Variants in MYO1D observed in about 807,000 individuals in gnomAD.
MYO1D encodes unconventional myosin-Id.
A neutral mutation model predicts 122.0 loss-of-function variants in MYO1D; 83 were observed. The observed-to-expected ratio is 0.68, with a 90% CI of 0.57 to 0.82. The LOEUF is 0.82. MYO1D is among the 40% of genes least tolerant of loss of function. MYO1D has a pLI of 0.00. For missense variants in MYO1D, 1,157 were observed against 1,269.5 expected, an observed-to-expected ratio of 0.91 and a Z score of 1.35; for synonymous variants, 464 against 446.9, an observed-to-expected ratio of 1.04 and a Z score of -0.48.
At chr17:32,716,204 A>G (rs1488016602) in intron 15 of MYO1D, among the ~76,000 whole-genome samples, 2 of 152,146 alleles carry the variant, frequency 1.3e-5, no homozygotes, top group East Asian at 1.9e-4. Context: ...AATGCATTTT[A>G]TCTAGTCCTT....
At chr17:32,682,352 G>T (rs2088931620) in intron 16 of MYO1D, among the ~76,000 whole-genome samples, 1 of 149,910 alleles carries the variant, frequency 6.7e-6, no homozygotes, top group African/African-American at 2.5e-5. Context: ...AGTCTCGATG[G>T]TCTTTACATT....
chr17:32,625,927 A>C (rs1318325963), intron 20 of MYO1D, among the ~76,000 whole-genome samples: 1 of 152,214 alleles, frequency 6.6e-6, no homozygotes, highest in Non-Finnish European at 1.5e-5. Flanking sequence ...ACTTGGGATT[A>C]GGGGCTAGGT....
At chr17:32,719,243 CA>C (rs1293479243) in intron 15 of MYO1D, among the ~76,000 whole-genome samples, 1 of 152,138 alleles carries the variant, frequency 6.6e-6, no homozygotes, top group Non-Finnish European at 1.5e-5. Context: ...AAACATATCC[CA>C]AATCTGTCCA....
At chr17:32,533,061 T>G (rs1910561440) in intron 21 of MYO1D, among the ~76,000 whole-genome samples, 2 of 151,204 alleles carry the variant, frequency 1.3e-5, no homozygotes, top group South Asian at 4.1e-4. Flanking sequence ...GTCTTCCTAC[T>G]CTTTTACCAT....
At chr17:32,822,716 G>A (rs1256089411) in intron 1 of MYO1D, among the ~76,000 whole-genome samples, 1 of 151,026 alleles carries the variant, frequency 6.6e-6, no homozygotes, top group Non-Finnish European at 1.5e-5. Flanking sequence ...TCCTCCGCAC[G>A]GGTCGACCAG....
In MYO1D at chr17:32,712,108, A is replaced by G. The variant is rs555558566; in HGVS notation, c.2001T>C (p.Gly667=). Residue 667 remains glycine (G), a synonymous_variant, in exon 16 of 22, where the codon GGT becomes GGC. Coordinates refer to ENST00000318217, the MANE Select transcript of MYO1D (RefSeq NM_015194.3). ...EAVKKLIERC[G]FQDDVAYGKT... ...TCCCATAAGCTACATCATCCTGAAA[A>G]CCACACCGTTCAATTAGTTTCTTGA... 1 of 1,614,120 alleles carries G rather than the reference A, an allele frequency of 6.2e-7. No individual in the cohort carries two copies. The highest frequency in any genetic ancestry group is 2.2e-5 in the East Asian group (1 of 44,870).
chr17:32,514,668 T>C (rs1046165101), intron 21 of MYO1D, among the ~76,000 whole-genome samples: 4 of 152,206 alleles, frequency 2.6e-5, no homozygotes, highest in Middle Eastern at 3.2e-3. Context: ...TGAATCACGA[T>C]GAGGGGCTGT....
At chr17:32,703,111 T>A (rs932862157) in intron 16 of MYO1D, among the ~76,000 whole-genome samples, 4 of 152,186 alleles carry the variant, frequency 2.6e-5, no homozygotes, top group African/African-American at 9.7e-5. Flanking sequence ...CCTTGCCCTC[T>A]TAACTACACT....
At chr17:32,527,964 G>A (rs908319351) in intron 21 of MYO1D, among the ~76,000 whole-genome samples, 1 of 151,596 alleles carries the variant, frequency 6.6e-6, no homozygotes, top group African/African-American at 2.4e-5. Flanking sequence ...TCAGCCTCCT[G>A]AGTAGCTGGA....
chr17:32,867,231 CAGG>C (rs1176951232), intron 1 of MYO1D, among the ~76,000 whole-genome samples: 1 of 148,052 alleles, frequency 6.8e-6, no homozygotes, highest in Non-Finnish European at 1.5e-5. Context: ...GAGGCTGAGG[CAGG>C]AGAATTGCTT....
intron 20 of MYO1D, among the ~76,000 whole-genome samples, chr17:32,635,642 G>A (rs1158921206): frequency 6.6e-6 from 1 of 152,044 alleles, no homozygotes; most frequent in Non-Finnish European, 1.5e-5. Context: ...GCAGTGAGCC[G>A]AGATGGCGCC....
At chr17:32,636,440 C>G (rs2088100619) in intron 20 of MYO1D, among the ~76,000 whole-genome samples, 4 of 152,058 alleles carry the variant, frequency 2.6e-5, no homozygotes, top group Admixed American at 1.3e-4. Flanking sequence ...CCCTATCATC[C>G]ACACCTAATA....
intron 21 of MYO1D, among the ~76,000 whole-genome samples, chr17:32,553,419 A>T (rs868766955): frequency 6.6e-6 from 1 of 152,098 alleles, no homozygotes; most frequent in Non-Finnish European, 1.5e-5. Context: ...AGCAGGGGAG[A>T]GTATTGTGGG....
At chr17:32,538,294 T>C (rs1268671462) in intron 21 of MYO1D, among the ~76,000 whole-genome samples, 1 of 149,116 alleles carries the variant, frequency 6.7e-6, no homozygotes, top group Non-Finnish European at 1.5e-5. Flanking sequence ...TTTTTTTTTT[T>C]TTTAGAGACA....
At chr17:32,641,551 C>G (rs2088201085) in intron 19 of MYO1D, among the ~76,000 whole-genome samples, 2 of 152,300 alleles carry the variant, frequency 1.3e-5, no homozygotes, top group South Asian at 4.1e-4. Flanking sequence ...GTCCAACCAA[C>G]AGTGTAAAAG....
chr17:32,761,549 T>C (rs1226828380), intron 8 of MYO1D, among the ~76,000 whole-genome samples: 2 of 152,338 alleles, frequency 1.3e-5, no homozygotes, highest in East Asian at 3.9e-4. Flanking sequence ...GAGTCTCCTC[T>C]TCTACCTGAC....
At chr17:32,786,558 G>A (rs139577201) in intron 1 of MYO1D, among the ~76,000 whole-genome samples, 15 of 152,362 alleles carry the variant, frequency 9.8e-5, no homozygotes, top group African/African-American at 3.1e-4. Context: ...ACTGGCTCAC[G>A]CCTGGAACCC....
chr17:32,847,319 A>AT (rs748589434), intron 1 of MYO1D, among the ~76,000 whole-genome samples: 1 of 152,238 alleles, frequency 6.6e-6, no homozygotes, highest in African/African-American at 2.4e-5. Flanking sequence ...AATCACAAGC[A>AT]TATATATGCT....
chr17:32,663,565 T>G (rs1364760051), intron 16 of MYO1D, among the ~76,000 whole-genome samples: 3 of 152,202 alleles, frequency 2.0e-5, no homozygotes, highest in Non-Finnish European at 4.4e-5. Context: ...TGTTCCTTTT[T>G]CATGTCTAGT....
Sources: gnomAD v4.1 joint callset for allele counts (sites outside exome capture counted in the v4.1 genomes callset) on GRCh38, gnomAD v4.1.1 for gene constraint, MANE v1.5 for transcripts, NCBI Gene and HGNC (gene_info 2026-07-23, HGNC 2026-07-21) for gene names.